SPRED2: variants seen among roughly 807,000 people sequenced by gnomAD.
SPRED2 encodes sprouty related EVH1 domain containing 2.
Under a neutral mutation model 43.0 loss-of-function variants are expected in SPRED2, and 47 were observed. The observed-to-expected ratio is 1.09, with a 90% CI of 0.87 to 1.40. The LOEUF is 1.40. Among genes scored for constraint, SPRED2 ranks in the 40% most tolerant of loss-of-function variants. The pLI, the probability that SPRED2 is intolerant of heterozygous loss-of-function variation, is 0.00. For synonymous variants in SPRED2, 225 were observed against 225.7 expected, an observed-to-expected ratio of 1.00 and a Z score of 0.03; for missense variants, 561 against 586.4, an observed-to-expected ratio of 0.96 and a Z score of 0.45.
intron 1 of SPRED2, among the ~76,000 whole-genome samples, chr2:65,366,029 A>AAACC: frequency 6.6e-6 from 1 of 151,204 alleles, no homozygotes; most frequent in South Asian, 2.1e-4. Context: ...GTGATTTATA[A>AAACC]AAACAAACAA....
intron 1 of SPRED2, among the ~76,000 whole-genome samples, chr2:65,401,935 GCGCA>G (rs1553426608): frequency 0.015 from 1,326 of 89,370 alleles, 30 homozygotes; most frequent in African/African-American, 0.046. Flanking sequence ...TAGCGCGCGC[GCGCA>G]CACACACACA....
rs761236586 is a variant in SPRED2, at chr2:65,344,762, C to T, written c.161G>A (p.Arg54Gln). The change falls in exon 2 of 6, where the codon CGA becomes CAA. Residue 54 changes from arginine (R) to glutamine (Q), a missense_variant. Physicochemically the swap from Arg to Gln is conservative, Grantham distance 43 (BLOSUM62 1). Around this residue, in one of 6 missense-constraint regions of SPRED2, gnomAD observed 305 missense variants for 282.4 expected, o/e 1.08. Transcript: ENST00000356388. ...TTCACCATGGATGAGAAAGCCGCTT[C>T]GTCCATTGCCTTCGGGGTGCATGAC... The part of the protein sequence containing the change: ...CKVMHPEGNG[R>Q]SGFLIHGERQ... The T allele has an allele frequency of 1.9e-6, 3 of 1,614,176 alleles. No homozygotes were observed. Among genetic ancestry groups the T allele is most frequent in the South Asian group, 1.1e-5 (1 of 91,064 alleles).
intron 1 of SPRED2, among the ~76,000 whole-genome samples, chr2:65,396,490 C>T (rs182206263): frequency 2.0e-5 from 3 of 152,312 alleles, no homozygotes; most frequent in Admixed American, 2.0e-4. Flanking sequence ...GTTCTCCACA[C>T]GGTCCTGCAT....
downstream of SPRED2, among the ~76,000 whole-genome samples, chr2:65,310,639 T>C (rs1673043987): frequency 6.6e-6 from 1 of 152,146 alleles, no homozygotes; most frequent in African/African-American, 2.4e-5. Context: ...GCAGCCTTCC[T>C]TTCACTGAGG....
At chr2:65,344,478 A>G (rs574873676) in intron 2 of SPRED2, 15 of 632,258 alleles carry the variant, frequency 2.4e-5, no homozygotes, top group African/African-American at 2.0e-4. Context: ...TGCAAATAAA[A>G]CAGCCAAATA....
intron 1 of SPRED2, among the ~76,000 whole-genome samples, chr2:65,395,149 C>G (rs1016234977): frequency 6.6e-6 from 1 of 152,114 alleles, no homozygotes; most frequent in Non-Finnish European, 1.5e-5. Flanking sequence ...CACTGGGCCT[C>G]GGATCTAAGT....
rs74697462 is a variant in SPRED2 at position 65,410,618 on chromosome 2, G to C, written c.26+21344C>G. On this transcript the variant is annotated intron_variant, in intron 1 of 5. Transcript: ENST00000356388. ...ACTAAAAATACAAAAAATTAGCCGG[G>C]CGTGGTGGTGGGCGCCTGTAGTCCC... is the stretch of plus-strand genomic sequence containing the variant. Among the ~76,000 whole-genome samples, 990 of 152,172 alleles carry C rather than the reference G, an allele frequency of 6.5e-3. 30 individuals are homozygous for C. Among genetic ancestry groups the C allele is most frequent in the Admixed American group, 0.047 (722 of 15,300 alleles).
chr2:65,322,258 CTCTCTCTCTCTCTATA>C (rs1203822228), intron 4 of SPRED2, among the ~76,000 whole-genome samples: 37 of 76,376 alleles, frequency 4.8e-4, no homozygotes, highest in Non-Finnish European at 7.0e-4. Flanking sequence ...CTCTCTCTCT[CTCTCTCTCTCTCTATA>C]TATATATATA....
intron 4 of SPRED2, 71 bp downstream of exon 4, chr2:65,331,916 T>C (rs564086949): frequency 4.2e-4 from 500 of 1,191,860 alleles, no homozygotes; most frequent in Middle Eastern, 5.8e-4. Flanking sequence ...GTGTGCCTCA[T>C]GCCCTTAAAC....
chr2:65,345,259 GTTTTT>G (rs66991368), intron 1 of SPRED2, among the ~76,000 whole-genome samples: 1 of 111,340 alleles, frequency 9.0e-6, no homozygotes, highest in Non-Finnish European at 1.8e-5. Flanking sequence ...TTTAGTTGTT[GTTTTT>G]TTTTTTTTTT....
chr2:65,317,723 G>C (rs1487331945), intron 4 of SPRED2, among the ~76,000 whole-genome samples: 1 of 152,108 alleles, frequency 6.6e-6, no homozygotes, highest in African/African-American at 2.4e-5. Flanking sequence ...GATACCGCTG[G>C]CTGGCGTATC....
At chr2:65,336,269 C>T (rs1023039514) in intron 2 of SPRED2, among the ~76,000 whole-genome samples, 6 of 152,022 alleles carry the variant, frequency 3.9e-5, no homozygotes, top group East Asian at 3.9e-4. Context: ...GTGGGAGGAA[C>T]GCTTGAGCCT....
chr2:65,366,732 CAT>C, intron 1 of SPRED2: 1 of 1,496,026 alleles, frequency 6.7e-7, no homozygotes, highest in East Asian at 2.5e-5. Context: ...TGGTTTCCCC[CAT>C]ATATGATTCA....
At position 65,313,235 on chromosome 2, in the gene SPRED2, G is replaced by A. The variant is rs1673119337; in HGVS notation, c.*266C>T. 1.6e-6 allele frequency: 2 copies of A among 1,260,096 alleles called. No individual in the cohort carries two copies. Among genetic ancestry groups the A allele is most frequent in the Non-Finnish European group, 1.0e-6 (1 of 1,002,104 alleles). The allele number at this position is 1,260,096 out of a possible 1,614,324, so 78.1% of individuals were successfully genotyped here. The stretch of plus-strand genomic sequence containing the variant: ...TTGGTTACAGATTGTTAATAGTACA[G>A]GAGTCTGTGGCGAAGGTTCCTTCCT... On this transcript the variant is annotated 3_prime_UTR_variant, in exon 6 of 6. Coordinates refer to ENST00000356388, the MANE Select transcript of SPRED2 (RefSeq NM_181784.3).
intron 2 of SPRED2, among the ~76,000 whole-genome samples, chr2:65,336,879 C>A (rs988822877): frequency 6.6e-6 from 1 of 152,246 alleles, no homozygotes; most frequent in East Asian, 1.9e-4. Flanking sequence ...GAGGCCGAGG[C>A]GGGCGGATCA....
chr2:65,344,828 G>A lies in SPRED2; in HGVS notation c.95C>T (p.Pro32Leu). Residue 32 changes from proline (P) to leucine (L), a missense_variant, in exon 2 of 6, where the codon CCA becomes CTA. By Grantham distance (98) the Pro-to-Leu change is moderately conservative. Transcript: ENST00000356388. ...GCGACTGATCCCGCCTCCTTCCTGT[G>A]GGAACCATCCCCCGCTGGAGTCATC... ...TRDDSSGGWF[P>L]QEGGGISRVG... The A allele has an allele frequency of 6.2e-7, 1 of 1,614,098 alleles. No individual in the cohort carries two copies. Among genetic ancestry groups the A allele is most frequent in the Non-Finnish European group, 8.5e-7 (1 of 1,180,012 alleles).
Position 65,334,590 on chromosome 2 carries a change from C to A in SPRED2, c.373+15G>T. 1 of 1,611,238 alleles carries A rather than the reference C, an allele frequency of 6.2e-7. No individual in the cohort carries two copies. The highest frequency in any genetic ancestry group is 1.1e-5 in the South Asian group (1 of 90,920). On this transcript the variant is annotated intron_variant, in intron 3 of 5. Coordinates refer to ENST00000356388, the MANE Select transcript of SPRED2 (RefSeq NM_181784.3). ...TTCCATAGTCCCACTAAGAATGCAG[C>A]GACAAGTTCAATACCTTCTATAAGG...
At chr2:65,325,726 A>C (rs1673591442) in intron 4 of SPRED2, among the ~76,000 whole-genome samples, 1 of 152,192 alleles carries the variant, frequency 6.6e-6, no homozygotes, top group Non-Finnish European at 1.5e-5. Flanking sequence ...GGATCACCTG[A>C]GGTCAGGAGT....
intron 1 of SPRED2, among the ~76,000 whole-genome samples, chr2:65,370,352 A>G (rs1187933235): frequency 6.6e-6 from 1 of 152,182 alleles, no homozygotes; most frequent in Non-Finnish European, 1.5e-5. Context: ...AGTAAATTTT[A>G]TGAATTTAGA....
Sources: gnomAD v4.1 joint callset for allele counts (sites outside exome capture counted in the v4.1 genomes callset) on GRCh38, gnomAD v4.1.1 for gene constraint, gnomAD v4.1.1 regional missense constraint, MANE v1.5 for transcripts, NCBI Gene and HGNC (gene_info 2026-07-23, HGNC 2026-07-21) for gene names.